The following SLC26A1 variants were observed in gnomAD, a reference collection of about 807,000 sequenced individuals.
The protein encoded by SLC26A1 is sulfate anion transporter 1.
A neutral mutation model predicts 14.5 loss-of-function variants in SLC26A1; 18 were observed. That is an observed-to-expected ratio of 1.24 (90% CI 0.86 to 1.84). The LOEUF (loss-of-function observed/expected upper bound fraction) is 1.84, where lower values mean the gene tolerates loss of function less well. Among genes scored for constraint, SLC26A1 ranks in the 40% most tolerant of loss-of-function variants. The pLI is 0.00. For synonymous variants in SLC26A1, 505 were observed against 492.0 expected, an observed-to-expected ratio of 1.03 and a Z score of -0.35; for missense variants, 1,049 against 1,020.0, an observed-to-expected ratio of 1.03 and a Z score of -0.39.
chr4:979,560 C>T, intron 2 of SLC26A1: 1 of 1,601,760 alleles, frequency 6.2e-7, no homozygotes, highest in Non-Finnish European at 8.5e-7. Context: ...GCTGACGTCT[C>T]CACAGCCAAA....
downstream of SLC26A1, chr4:986,745 A>C: frequency 2.1e-6 from 1 of 479,850 alleles, no homozygotes; most frequent in Non-Finnish European, 4.1e-6. Flanking sequence ...CGACAAAGCA[A>C]GACTCTGTCT....
chr4:979,582 C>T (rs1038593764), intron 2 of SLC26A1: 36 of 1,584,482 alleles, frequency 2.3e-5, no homozygotes, highest in East Asian at 9.1e-5. Flanking sequence ...GTCCCCCTGC[C>T]GGGCCCCAAA....
rs1713859304 is a variant in SLC26A1, at chr4:987,833, T to A, written c.*1000A>T. The A allele has an allele frequency of 6.2e-7, 1 of 1,612,426 alleles. No individual in the cohort carries two copies. The highest frequency in any genetic ancestry group is 1.3e-5 in the African/African-American group (1 of 74,938). ...GCCCCCCGCTGCCACACAGCCAGGCTGACCAGTACGTCCTCAGCTGGGACC... is the reference window on the plus strand; with the variant it reads ...GCCCCCCGCTGCCACACAGCCAGGCAGACCAGTACGTCCTCAGCTGGGACC... On this transcript the variant is annotated 3_prime_UTR_variant, in exon 3 of 3. Transcript: ENST00000398516.
At chr4:985,273 G>A (rs184914092), downstream of SLC26A1, among the ~76,000 whole-genome samples, 15 of 152,370 alleles carry the variant, frequency 9.8e-5, no homozygotes, top group African/African-American at 2.6e-4. Context: ...GCTGGGATAC[G>A]CTGCAGGGGT....
Position 990,998 on chromosome 4 carries a change from A to G in SLC26A1, c.576+130T>C, listed in dbSNP as rs181333801. The stretch of plus-strand genomic sequence containing the variant: ...CCCCGGCACGCCCCAGCTCTGCCCA[A>G]GCCTTGCTGTCTTGGGCCAGCACCT... On this transcript the variant is annotated intron_variant, in intron 2 of 2. Coordinates refer to ENST00000398516, the MANE Select transcript of SLC26A1 (RefSeq NM_022042.4). 544 of 966,714 alleles carry G rather than the reference A, an allele frequency of 5.6e-4. 1 individual carries two copies. The African/African-American group carries it at 8.0e-3, about 14-fold the overall frequency. The allele number at this position is 966,714 out of a possible 1,614,324, so 59.9% of individuals were successfully genotyped here.
In SLC26A1 at chr4:988,974, G is replaced by C. The variant is rs144040688; in HGVS notation, c.1965C>G (p.Asp655Glu). 74 of 1,596,430 alleles carry C rather than the reference G, an allele frequency of 4.6e-5. No individual in the cohort carries two copies. In the African/African-American group the frequency reaches 9.8e-4, roughly 21 times the overall value. ...CGAGGAAGCCTCCTCTGCTCAGAATGTCTCTCACAGGCGGGCTGCAGCAGG... is the reference window on the plus strand; with the variant it reads ...CGAGGAAGCCTCCTCTGCTCAGAATCTCTCTCACAGGCGGGCTGCAGCAGG... ...LLACCSPPVR[D>E]ILSRGGFLGE... The change falls in exon 3 of 3, where the codon GAC (aspartate) becomes GAG (glutamate). Residue 655 changes from aspartate (D) to glutamate (E), a missense_variant. By Grantham distance (45) the Asp-to-Glu change is conservative. Coordinates refer to ENST00000398516, the MANE Select transcript of SLC26A1 (RefSeq NM_022042.4).
At position 989,203 on chromosome 4, in the gene SLC26A1, TC is replaced by T. The variant is rs1372086275; in HGVS notation, c.1735del (p.Glu579ArgfsTer44). 1 of 1,608,248 alleles carries T rather than the reference TC, an allele frequency of 6.2e-7. No individual in the cohort carries two copies. The highest frequency in any genetic ancestry group is 8.5e-7 in the Non-Finnish European group (1 of 1,176,742). On this transcript the variant is annotated frameshift_variant, in exon 3 of 3. Coordinates refer to ENST00000398516, the MANE Select transcript of SLC26A1 (RefSeq NM_022042.4). LOFTEE classifies it low-confidence loss of function (END_TRUNC). ...AGGGCCTCCCTCACCGACCCCCGTC[TC>T]TGAGCCCCCCTCCTTCCTCCTGGCA... ...MAARRKEGGS[E>X]TGVGEGGPAQ... is the part of the protein sequence containing the mutation.
chr4:988,089 C>T lies in SLC26A1; in HGVS notation c.*744G>A. 6.9e-7 allele frequency: 1 copy of T among 1,451,606 alleles called. No individual in the cohort carries two copies. The highest frequency in any genetic ancestry group is 9.1e-7 in the Non-Finnish European group (1 of 1,101,318). 89.9% of individuals were successfully genotyped at this position (1,451,606 alleles called of 1,614,324 possible). A position where few individuals can be genotyped will look rare whatever the true frequency, so the allele number is the denominator to read the frequency against. On this transcript the variant is annotated 3_prime_UTR_variant, in exon 3 of 3. Transcript: ENST00000398516. ...CCCTGTTGGGGAGAGCGTGTCCTTG[C>T]TGGCTGTGCTGGGGTGAGGGCTGTG...
At chr4:986,099 T>C (rs1713715123), downstream of SLC26A1, among the ~76,000 whole-genome samples, 1 of 152,086 alleles carries the variant, frequency 6.6e-6, no homozygotes, top group South Asian at 2.1e-4. Context: ...TTTTTTTTTG[T>C]ACAGATGGGG....
rs1713848883 is a variant in SLC26A1 at position 987,741 on chromosome 4, C to T, written c.*1092G>A. On this transcript the variant is annotated 3_prime_UTR_variant, in exon 3 of 3. Coordinates refer to ENST00000398516, the MANE Select transcript of SLC26A1 (RefSeq NM_022042.4). ...GCGCCCGGGCAGTCCTGGGCTTGAACGTGTGTGTCAGCCGCGCTGCCAGCC... is the reference window on the plus strand; with the variant it reads ...GCGCCCGGGCAGTCCTGGGCTTGAATGTGTGTGTCAGCCGCGCTGCCAGCC... The T allele has an allele frequency of 1.2e-6, 2 of 1,603,784 alleles. No individual in the cohort carries two copies. The highest frequency in any genetic ancestry group is 1.7e-6 in the Non-Finnish European group (2 of 1,176,416).
At chr4:987,330 C>T (rs1713811417), downstream of SLC26A1, 16 of 1,254,378 alleles carry the variant, frequency 1.3e-5, no homozygotes, top group Non-Finnish European at 1.8e-5. Flanking sequence ...GCTTCAGAGA[C>T]CGGAGCTCCC....
At chr4:986,983 G>GC (rs1241170624), downstream of SLC26A1, 1 of 506,992 alleles carries the variant, frequency 2.0e-6, no homozygotes, top group African/African-American at 2.1e-5. Flanking sequence ...CCAAGGCCCC[G>GC]CCCCGCGGCG....
In SLC26A1 at chr4:991,575, C is replaced by G. The variant is rs745954002; in HGVS notation, c.129G>C (p.Val43=). Residue 43 remains valine, a synonymous_variant, in exon 2 of 3, where the codon GTG becomes GTC. Coordinates refer to ENST00000398516, the MANE Select transcript of SLC26A1 (RefSeq NM_022042.4). The part of the protein sequence containing the change: ...ARLWCSCSCS[V]LCVRALVQDL... ...CCTGCACCAGCGCCCGGACGCACAG[C>G]ACACTGCACGAGCAGCTGCACCACA... The G allele has an allele frequency of 3.1e-6, 5 of 1,601,484 alleles. No homozygotes were observed. Among genetic ancestry groups the G allele is most frequent in the Non-Finnish European group, 4.2e-6 (5 of 1,177,528 alleles).
chr4:988,116 G>A lies in SLC26A1; in HGVS notation c.*717C>T. The A allele has an allele frequency of 7.0e-7, 1 of 1,420,930 alleles. No homozygotes were observed. Among genetic ancestry groups the A allele is most frequent in the East Asian group, 2.6e-5 (1 of 39,026 alleles). 88.0% of individuals were successfully genotyped at this position (1,420,930 alleles called of 1,614,324 possible). The stretch of plus-strand genomic sequence containing the variant: ...GGCTGTGCTGGGGTGAGGGCTGTGT[G>A]CTGGAGGGAGCCCCTGCATGGGGCA... On this transcript the variant is annotated 3_prime_UTR_variant, in exon 3 of 3. Coordinates refer to ENST00000398516, the MANE Select transcript of SLC26A1 (RefSeq NM_022042.4).
chr4:982,923 C>T (rs1249631373), downstream of SLC26A1, among the ~76,000 whole-genome samples: 2 of 152,246 alleles, frequency 1.3e-5, no homozygotes, highest in African/African-American at 4.8e-5. Context: ...TGGGATTACA[C>T]TCAGGGCCCA....
At chr4:982,150 C>G (rs1260360007) in intron 2 of SLC26A1, among the ~76,000 whole-genome samples, 1 of 152,218 alleles carries the variant, frequency 6.6e-6, no homozygotes, top group Non-Finnish European at 1.5e-5. Context: ...CCACAAGTGA[C>G]TGGCTGACCC....
chr4:985,342 C>G (rs1048588669), downstream of SLC26A1, among the ~76,000 whole-genome samples: 10 of 152,008 alleles, frequency 6.6e-5, no homozygotes, highest in Admixed American at 3.9e-4. Context: ...TGCAGAGCCC[C>G]GAGGCCTCAG....
At chr4:990,413 C>T in intron 2 of SLC26A1, 51 bp from the exon 3 acceptor site, 1 of 1,502,894 alleles carries the variant, frequency 6.7e-7, no homozygotes. Flanking sequence ...GAGCCACCTG[C>T]CCCTCACCAG....
In SLC26A1 at chr4:988,949, C is replaced by G. The variant is rs148885765; in HGVS notation, c.1990G>C (p.Gly664Arg). ...RDILSRGGFL[G>R]EGPGDTAEEE... Reference sequence around the variant, plus strand: ...TCAGCCGTGTCCCCGGGGCCCTCCCCGAGGAAGCCTCCTCTGCTCAGAATG... The same window carrying G: ...TCAGCCGTGTCCCCGGGGCCCTCCCGGAGGAAGCCTCCTCTGCTCAGAATG... Residue 664 changes from glycine to arginine, a missense_variant, in exon 3 of 3, where the codon GGG (glycine) becomes CGG (arginine). Gly to Arg is a moderately radical substitution (Grantham distance 125, BLOSUM62 -2). Coordinates refer to ENST00000398516, the MANE Select transcript of SLC26A1 (RefSeq NM_022042.4). 2.5e-6 allele frequency: 4 copies of G among 1,596,134 alleles called. No individual in the cohort carries two copies. The highest frequency in any genetic ancestry group is 3.4e-6 in the Non-Finnish European group (4 of 1,172,172).
Sources: gnomAD v4.1 joint callset for allele counts (sites outside exome capture counted in the v4.1 genomes callset) on GRCh38, gnomAD v4.1.1 for gene constraint, MANE v1.5 for transcripts, NCBI Gene and HGNC (gene_info 2026-07-23, HGNC 2026-07-21) for gene names.